The following THSD7B variants were observed in gnomAD, a reference collection of about 807,000 sequenced individuals.
THSD7B encodes thrombospondin type-1 domain-containing protein 7B.
THSD7B carries 138 observed loss-of-function variants against 213.6 expected under a neutral mutation model. That is an observed-to-expected ratio of 0.65 (90% CI 0.56 to 0.74). The LOEUF (loss-of-function observed/expected upper bound fraction) is 0.74, where lower values mean the gene tolerates loss of function less well. Among genes scored for constraint, THSD7B ranks in the 30% least tolerant of loss-of-function variants. The pLI, the probability that THSD7B is intolerant of heterozygous loss-of-function variation, is 0.00. For missense variants in THSD7B, 1,931 were observed against 1,991.5 expected, an observed-to-expected ratio of 0.97 and a Z score of 0.58; for synonymous variants, 742 against 687.0, an observed-to-expected ratio of 1.08 and a Z score of -1.25.
At chr2:136,936,366 C>A (rs1684728287) in intron 2 of THSD7B, among the ~76,000 whole-genome samples, 1 of 152,122 alleles carries the variant, frequency 6.6e-6, no homozygotes, top group Non-Finnish European at 1.5e-5. Flanking sequence ...AAGATAATTG[C>A]ACACGCATGT....
At chr2:136,994,440 G>A (rs187246678) in intron 2 of THSD7B, among the ~76,000 whole-genome samples, 23 of 152,236 alleles carry the variant, frequency 1.5e-4, no homozygotes, top group South Asian at 8.3e-4. Context: ...GGTGGCGGGC[G>A]CCTTTAGTCC....
intron 17 of THSD7B, among the ~76,000 whole-genome samples, chr2:137,579,528 A>G (rs1216115422): frequency 2.6e-5 from 4 of 151,060 alleles, no homozygotes; most frequent in Non-Finnish European, 5.9e-5. Context: ...GCACACACAC[A>G]CGCGCGTGCG....
At chr2:137,623,433 C>T (rs189217597) in intron 20 of THSD7B, among the ~76,000 whole-genome samples, 263 of 152,278 alleles carry the variant, frequency 1.7e-3, no homozygotes, top group Non-Finnish European at 2.8e-3. Flanking sequence ...CACAGATGCC[C>T]TCTCTCACCA....
At chr2:136,986,190 T>C (rs1685669107) in intron 2 of THSD7B, among the ~76,000 whole-genome samples, 2 of 119,598 alleles carry the variant, frequency 1.7e-5, no homozygotes, top group Non-Finnish European at 4.3e-5. Flanking sequence ...TAAATTAAGA[T>C]TAGGGGGGGA....
chr2:137,463,057 G>A (rs1347731369), intron 15 of THSD7B, among the ~76,000 whole-genome samples: 4 of 152,136 alleles, frequency 2.6e-5, no homozygotes, highest in Admixed American at 2.6e-4. Context: ...CCCCCATGGG[G>A]AAGGGGGCAC....
At chr2:137,446,634 C>T (rs1443402596) in intron 14 of THSD7B, among the ~76,000 whole-genome samples, 1 of 152,024 alleles carries the variant, frequency 6.6e-6, no homozygotes, top group Non-Finnish European at 1.5e-5. Context: ...ACCCCTAATT[C>T]TATATGCATA....
At chr2:137,008,010 C>T (rs1402345789) in intron 2 of THSD7B, among the ~76,000 whole-genome samples, 1 of 152,036 alleles carries the variant, frequency 6.6e-6, no homozygotes, top group Non-Finnish European at 1.5e-5. Context: ...GGTCAGCTAT[C>T]CAGATAAATT....
intron 5 of THSD7B, chr2:137,156,034 C>T (rs1219542496): frequency 6.6e-6 from 1 of 152,124 alleles, no homozygotes; most frequent in Non-Finnish European, 1.5e-5. Context: ...CACCCAAAGT[C>T]TTGGGAGCTT....
chr2:137,555,789 C>T (rs1192445706), intron 15 of THSD7B, among the ~76,000 whole-genome samples: 4 of 152,086 alleles, frequency 2.6e-5, no homozygotes, highest in African/African-American at 9.7e-5. Context: ...AAGTTAAAAA[C>T]CTTGAAAAAA....
At chr2:137,189,609 C>T (rs533372162) in intron 7 of THSD7B, among the ~76,000 whole-genome samples, 1 of 152,054 alleles carries the variant, frequency 6.6e-6, no homozygotes, top group Admixed American at 6.5e-5. Flanking sequence ...GGTTCCTGTC[C>T]TCAGGATTCT....
intron 1 of THSD7B, among the ~76,000 whole-genome samples, chr2:136,852,187 G>A (rs1249424170): frequency 2.0e-5 from 3 of 151,994 alleles, no homozygotes; most frequent in Admixed American, 6.6e-5. Flanking sequence ...GAGATACAAC[G>A]AAGTGAGGAA....
At chr2:137,455,483 A>G (rs1238459318) in intron 15 of THSD7B, among the ~76,000 whole-genome samples, 1 of 152,192 alleles carries the variant, frequency 6.6e-6, no homozygotes, top group Non-Finnish European at 1.5e-5. Flanking sequence ...GCTCCTCATA[A>G]GTTGATCTGA....
chr2:136,929,245 A>G (rs1461553582), intron 2 of THSD7B, among the ~76,000 whole-genome samples: 1 of 152,170 alleles, frequency 6.6e-6, no homozygotes, highest in Non-Finnish European at 1.5e-5. Context: ...ATTTACTAAA[A>G]ATTAATCATT....
At chr2:137,544,814 T>G (rs1286333395) in intron 15 of THSD7B, among the ~76,000 whole-genome samples, 5 of 151,844 alleles carry the variant, frequency 3.3e-5, no homozygotes, top group African/African-American at 1.2e-4. Context: ...TAAAGACTTC[T>G]TTTTTTGGAG....
chr2:136,910,657 A>G (rs1047172273), intron 2 of THSD7B, among the ~76,000 whole-genome samples: 3 of 152,188 alleles, frequency 2.0e-5, no homozygotes, highest in Non-Finnish European at 4.4e-5. Context: ...TACGTGAACA[A>G]TTCAGGAGTT....
At chr2:137,669,245 A>G (rs1432432748) in intron 27 of THSD7B, among the ~76,000 whole-genome samples, 27 of 152,166 alleles carry the variant, frequency 1.8e-4, no homozygotes, top group Non-Finnish European at 1.5e-5. Flanking sequence ...TCTGTTTCCA[A>G]GGCTACACAG....
intron 10 of THSD7B, among the ~76,000 whole-genome samples, chr2:137,248,645 G>A (rs898567640): frequency 1.3e-5 from 2 of 152,008 alleles, no homozygotes; most frequent in African/African-American, 2.4e-5. Context: ...ACTTTCCCCT[G>A]TCAAGCATAT....
At chr2:137,143,792 A>C (rs188536976) in intron 5 of THSD7B, among the ~76,000 whole-genome samples, 1 of 152,162 alleles carries the variant, frequency 6.6e-6, no homozygotes, top group East Asian at 1.9e-4. Context: ...GCACTGGTTA[A>C]TCTCAGACCA....
intron 6 of THSD7B, among the ~76,000 whole-genome samples, chr2:137,162,654 T>A (rs1048548609): frequency 4.6e-5 from 7 of 152,178 alleles, no homozygotes; most frequent in Middle Eastern, 3.2e-3. Flanking sequence ...CTATGGCAAT[T>A]CAAAGAATGC....
Sources: allele counts gnomAD v4.1 joint callset (sites outside exome capture counted in the v4.1 genomes callset), GRCh38; gene constraint gnomAD v4.1.1; transcripts MANE v1.5; gene names NCBI Gene and HGNC (gene_info 2026-07-23, HGNC 2026-07-21).